The following GATB variants were observed in gnomAD, a reference collection of about 807,000 sequenced individuals.
GATB encodes the protein glutamyl-tRNA amidotransferase subunit B, also known as glutamyl-tRNA(Gln) amidotransferase subunit B, mitochondrial.
Under a neutral mutation model 62.3 loss-of-function variants are expected in GATB, and 39 were observed. That is an observed-to-expected ratio of 0.63 (90% CI 0.48 to 0.82). The LOEUF (loss-of-function observed/expected upper bound fraction) is 0.82. GATB is among the 40% of genes least tolerant of loss of function. The pLI is 0.00. For missense variants in GATB, 670 were observed against 684.0 expected (o/e 0.98, Z 0.23); for synonymous variants, 276 against 258.9 (o/e 1.07, Z -0.63).
rs1738312806 is a variant in GATB, at chr4:151,689,156, C to T, written c.1198-393G>A. Among the ~76,000 whole-genome samples the T allele has an allele frequency of 2.6e-5, 4 of 152,264 alleles. No homozygotes were observed. In the South Asian group the frequency reaches 8.3e-4, roughly 32 times the overall value. On this transcript the variant is annotated intron_variant, in intron 9 of 12. Transcript: ENST00000263985. ...CTGACTTTAATGCCCCTGTTCTTTC[C>T]AGGCCTGTCCTCTGCTGAAGTCCCA...
chr4:151,760,914 A>T lies in GATB; in HGVS notation c.69T>A (p.Gly23=). The change falls in exon 1 of 13, where the codon GGT becomes GGA. Residue 23 remains glycine, a synonymous_variant. Coordinates refer to ENST00000263985, the MANE Select transcript of GATB (RefSeq NM_004564.3). ...TCGGAGCCCCTCTTCGGTGGCAAGA[A>T]CCACCGTCAACCCGGGCGAAAGCCC... ...RRWAFARVDG[G]SCHRRGAPTG... 6.2e-7 allele frequency: 1 copy of T among 1,613,956 alleles called. No homozygotes were observed. Among genetic ancestry groups the T allele is most frequent in the Non-Finnish European group, 8.5e-7 (1 of 1,179,944 alleles).
chr4:151,683,391 T>C (rs6823194), intron 10 of GATB, among the ~76,000 whole-genome samples: 90,774 of 152,026 alleles, frequency 0.6, 29,643 homozygotes, highest in African/African-American at 0.88. Context: ...TTGTGAAACC[T>C]CCTTCTTGGG....
rs1739455102 is a variant in GATB at position 151,740,149 on chromosome 4, G to A, written c.327+18623C>T. Among the ~76,000 whole-genome samples the A allele has an allele frequency of 2.0e-5, 3 of 152,294 alleles. No individual in the cohort carries two copies. In the South Asian group the frequency reaches 6.2e-4, roughly 32 times the overall value. On this transcript the variant is annotated intron_variant, in intron 2 of 12. Coordinates refer to ENST00000263985, the MANE Select transcript of GATB (RefSeq NM_004564.3). ...GACTTCTGTGCTGATTTCTCAGTTG[G>A]TTCTGACTCAAGACAGGAAGCGAGT...
intron 2 of GATB, among the ~76,000 whole-genome samples, chr4:151,725,507 T>C (rs1175669394): frequency 1.3e-5 from 2 of 152,252 alleles, no homozygotes; most frequent in Non-Finnish European, 2.9e-5. Flanking sequence ...AACTTAAAAC[T>C]GAACATTTTG....
intron 10 of GATB, among the ~76,000 whole-genome samples, chr4:151,682,178 A>G (rs567108135): frequency 6.6e-6 from 1 of 152,104 alleles, no homozygotes; most frequent in African/African-American, 2.4e-5. Flanking sequence ...CACACTTGGG[A>G]TTTCTCCATC....
chr4:151,725,915 C>T (rs1271267505), intron 2 of GATB, among the ~76,000 whole-genome samples: 1 of 152,164 alleles, frequency 6.6e-6, no homozygotes, highest in Non-Finnish European at 1.5e-5. Context: ...GCTGTAACAC[C>T]CAAAGTTAGT....
chr4:151,679,425 C>A (rs1738089461), intron 11 of GATB, among the ~76,000 whole-genome samples: 2 of 152,146 alleles, frequency 1.3e-5, no homozygotes, highest in African/African-American at 4.8e-5. Flanking sequence ...GACAAGGGAG[C>A]CCTGGGACTG....
intron 5 of GATB, among the ~76,000 whole-genome samples, chr4:151,713,086 T>A (rs1297153765): frequency 6.6e-6 from 1 of 152,098 alleles, no homozygotes; most frequent in Non-Finnish European, 1.5e-5. Flanking sequence ...GAACTGTGCA[T>A]GAGAGGAATC....
chr4:151,745,927 A>T (rs998025287), intron 2 of GATB, among the ~76,000 whole-genome samples: 1 of 152,176 alleles, frequency 6.6e-6, no homozygotes, highest in African/African-American at 2.4e-5. Context: ...TCTTTTCCCC[A>T]GTTCTGGAGA....
At chr4:151,710,351 C>G (rs1037742609) in intron 5 of GATB, among the ~76,000 whole-genome samples, 1 of 152,200 alleles carries the variant, frequency 6.6e-6, no homozygotes, top group Non-Finnish European at 1.5e-5. Context: ...AATGAACAAA[C>G]AAGAACCCCA....
intron 2 of GATB, among the ~76,000 whole-genome samples, chr4:151,742,359 A>T (rs1259891152): frequency 6.6e-6 from 1 of 152,178 alleles, no homozygotes; most frequent in Non-Finnish European, 1.5e-5. Flanking sequence ...AAGTGCTGGG[A>T]TTACAGGCGT....
chr4:151,725,499 C>A (rs1410816853), intron 2 of GATB, among the ~76,000 whole-genome samples: 1 of 152,250 alleles, frequency 6.6e-6, no homozygotes, highest in African/African-American at 2.4e-5. Flanking sequence ...GTCCAATCAA[C>A]TTAAAACTGA....
At chr4:151,696,158 C>T (rs747500083) in intron 9 of GATB, among the ~76,000 whole-genome samples, 8 of 152,084 alleles carry the variant, frequency 5.3e-5, no homozygotes, top group African/African-American at 4.8e-5. Flanking sequence ...CTGCAGAGGA[C>T]GGCTTATATT....
At chr4:151,736,114 C>A (rs1369147076) in intron 2 of GATB, among the ~76,000 whole-genome samples, 11 of 152,178 alleles carry the variant, frequency 7.2e-5, no homozygotes, top group Admixed American at 7.2e-4. Context: ...GAAAACATTA[C>A]ATATTAAAGC....
At chr4:151,701,294 A>G in intron 9 of GATB, 35 bp downstream of exon 9, 1 of 1,472,936 alleles carries the variant, frequency 6.8e-7, no homozygotes, top group Non-Finnish European at 9.1e-7. Context: ...CCATCTGCTG[A>G]GCCGGGATCC....
chr4:151,706,010 T>A (rs574370702), intron 6 of GATB, among the ~76,000 whole-genome samples: 1 of 152,272 alleles, frequency 6.6e-6, no homozygotes, highest in South Asian at 2.1e-4. Context: ...GCCTCCACCT[T>A]AACTCTCCCT....
chr4:151,680,813 T>G (rs1180654187), intron 10 of GATB, among the ~76,000 whole-genome samples: 1 of 152,232 alleles, frequency 6.6e-6, no homozygotes, highest in Non-Finnish European at 1.5e-5. Flanking sequence ...GTCTGAAATC[T>G]GAAATGCTCC....
intron 2 of GATB, chr4:151,723,552 A>C (rs1739071851): frequency 6.6e-6 from 1 of 152,242 alleles, no homozygotes; most frequent in Non-Finnish European, 1.5e-5. Flanking sequence ...TCTTCTTGCC[A>C]GTTTCTCCCT....
At chr4:151,673,321 G>A (rs536868178) in intron 11 of GATB, 33 of 161,858 alleles carry the variant, frequency 2.0e-4, no homozygotes, top group South Asian at 1.1e-3. Flanking sequence ...GGGAGTCGGC[G>A]GGCCACTGAT....
Sources: gnomAD v4.1 joint callset for allele counts (sites outside exome capture counted in the v4.1 genomes callset) on GRCh38, gnomAD v4.1.1 for gene constraint, MANE v1.5 for transcripts, NCBI Gene and HGNC (gene_info 2026-07-23, HGNC 2026-07-21) for gene names.